Variants in CAMK4 observed in about 807,000 individuals in gnomAD.
The protein encoded by CAMK4 is calcium/calmodulin-dependent protein kinase type IV.
Under a neutral mutation model 44.9 loss-of-function variants are expected in CAMK4, and 22 were observed. The observed-to-expected ratio is 0.49, with a 90% confidence interval of 0.35 to 0.70. The LOEUF (loss-of-function observed/expected upper bound fraction) is 0.70, where lower values mean the gene tolerates loss of function less well. Among genes scored for constraint, CAMK4 ranks in the 30% least tolerant of loss-of-function variants. The pLI is 0.01. For missense variants in CAMK4, 498 were observed against 586.8 expected (o/e 0.85, Z 1.56); for synonymous variants, 218 against 215.4 (o/e 1.01, Z -0.11).
chr5:111,361,782 G>T (rs1358056418), intron 2 of CAMK4, among the ~76,000 whole-genome samples: 1 of 151,980 alleles, frequency 6.6e-6, no homozygotes, highest in Non-Finnish European at 1.5e-5. Context: ...ATAGGCATTA[G>T]TTTTCTTTTT....
At chr5:111,415,435 G>A (rs941406364) in intron 5 of CAMK4, among the ~76,000 whole-genome samples, 1 of 152,140 alleles carries the variant, frequency 6.6e-6, no homozygotes, top group Non-Finnish European at 1.5e-5. Context: ...GAATGCCAGC[G>A]AGAGCTGTGA....
chr5:111,274,212 G>A (rs988366543), intron 1 of CAMK4, among the ~76,000 whole-genome samples: 3 of 152,032 alleles, frequency 2.0e-5, no homozygotes, highest in Non-Finnish European at 2.9e-5. Context: ...CTCATCAGAA[G>A]TTCCTTGATG....
At chr5:111,408,225 G>A (rs1752507360) in intron 5 of CAMK4, among the ~76,000 whole-genome samples, 1 of 152,126 alleles carries the variant, frequency 6.6e-6, no homozygotes, top group Admixed American at 6.5e-5. Flanking sequence ...TCTAAGGATG[G>A]TGTATTAGTC....
intron 9 of CAMK4, among the ~76,000 whole-genome samples, chr5:111,479,222 T>C (rs984119184): frequency 2.0e-5 from 3 of 152,214 alleles, no homozygotes; most frequent in African/African-American, 7.2e-5. Context: ...TGAAATTTCA[T>C]CAAATTTATT....
chr5:111,404,167 G>A (rs1003415107), intron 5 of CAMK4, among the ~76,000 whole-genome samples: 3 of 152,142 alleles, frequency 2.0e-5, no homozygotes, highest in Non-Finnish European at 2.9e-5. Flanking sequence ...TATGAATATT[G>A]ATGAAGACAG....
chr5:111,450,986 A>G (rs1156961801), intron 7 of CAMK4, among the ~76,000 whole-genome samples: 1 of 152,120 alleles, frequency 6.6e-6, no homozygotes, highest in Non-Finnish European at 1.5e-5. Context: ...TACAAAACTA[A>G]CTCCTTTTAA....
intron 1 of CAMK4, among the ~76,000 whole-genome samples, chr5:111,260,883 T>G (rs1749944321): frequency 6.6e-6 from 1 of 152,206 alleles, no homozygotes; most frequent in Admixed American, 6.5e-5. Flanking sequence ...TCCTTAACAT[T>G]CATCCTCCTC....
intron 7 of CAMK4, among the ~76,000 whole-genome samples, chr5:111,453,843 C>G (rs902504121): frequency 6.6e-6 from 1 of 152,060 alleles, no homozygotes; most frequent in African/African-American, 2.4e-5. Context: ...TTAGGATTGC[C>G]TAGTTTGAAT....
chr5:111,293,742 C>CTTT lies in CAMK4; in HGVS notation c.162-50262_162-50260dup, dbSNP rs35117453. On this transcript the variant is annotated intron_variant, in intron 1 of 10. Coordinates refer to ENST00000282356, the MANE Select transcript of CAMK4 (RefSeq NM_001744.6). ...GCCATCACGCCTGGCTGCTGCTCTACTTTTTTTTTTTTTTTTTTTTTTGAG... is the reference window on the plus strand; with the variant it reads ...GCCATCACGCCTGGCTGCTGCTCTACTTTTTTTTTTTTTTTTTTTTTTTTTGAG... 3.2e-3 allele frequency among the ~76,000 whole-genome samples: 266 copies of CTTT among 83,498 alleles called. 3 individuals carry two copies. The highest frequency in any genetic ancestry group is 4.2e-3 in the African/African-American group (79 of 18,740). The allele number at this position is 83,498 out of a possible 152,430, so 54.8% of individuals were successfully genotyped here.
At chr5:111,249,661 T>C (rs1354991578) in intron 1 of CAMK4, among the ~76,000 whole-genome samples, 1 of 121,470 alleles carries the variant, frequency 8.2e-6, no homozygotes, top group Non-Finnish European at 1.9e-5. Context: ...TGTGTGTGTA[T>C]ATATATGTGT....
At chr5:111,429,755 G>A (rs1753364743) in intron 5 of CAMK4, among the ~76,000 whole-genome samples, 1 of 112,740 alleles carries the variant, frequency 8.9e-6, no homozygotes, top group South Asian at 3.1e-4. Flanking sequence ...TCCAGGCTGG[G>A]TGACAGAGTG....
chr5:111,425,162 TAAA>T (rs11351159), intron 5 of CAMK4, among the ~76,000 whole-genome samples: 37 of 128,238 alleles, frequency 2.9e-4, no homozygotes, highest in Admixed American at 3.2e-4. Flanking sequence ...GACGCTGTCT[TAAA>T]AAAAAAAAAA....
At chr5:111,233,875 G>A (rs2840047) in intron 1 of CAMK4, among the ~76,000 whole-genome samples, 3 of 152,026 alleles carry the variant, frequency 2.0e-5, no homozygotes, top group Non-Finnish European at 2.9e-5. Flanking sequence ...CTCATATTTC[G>A]ACTATAGCAG....
At chr5:111,303,986 A>G (rs1201518313) in intron 1 of CAMK4, among the ~76,000 whole-genome samples, 1 of 102,582 alleles carries the variant, frequency 9.7e-6, no homozygotes, top group African/African-American at 5.2e-5. Flanking sequence ...TTTCATATCC[A>G]GCCAAACTAA....
At chr5:111,443,140 T>C (rs2112963957) in intron 5 of CAMK4, among the ~76,000 whole-genome samples, 1 of 148,462 alleles carries the variant, frequency 6.7e-6, no homozygotes, top group Non-Finnish European at 1.5e-5. Flanking sequence ...AATGTAAAGG[T>C]TAGAAATTCT....
intron 1 of CAMK4, among the ~76,000 whole-genome samples, chr5:111,286,066 A>G (rs1392394698): frequency 1.3e-5 from 2 of 152,222 alleles, no homozygotes; most frequent in Non-Finnish European, 2.9e-5. Context: ...AGTGGAAGTC[A>G]TAGAGCAGGG....
intron 1 of CAMK4, among the ~76,000 whole-genome samples, chr5:111,262,289 T>C (rs1376457764): frequency 6.6e-6 from 1 of 150,740 alleles, no homozygotes; most frequent in African/African-American, 2.4e-5. Context: ...GGTGAGCTGG[T>C]GGAAAATTGC....
At chr5:111,255,552 A>G (rs563184973) in intron 1 of CAMK4, among the ~76,000 whole-genome samples, 3 of 152,208 alleles carry the variant, frequency 2.0e-5, no homozygotes, top group Non-Finnish European at 4.4e-5. Flanking sequence ...GCTTTAAAAA[A>G]GCCATGATCT....
intron 7 of CAMK4, among the ~76,000 whole-genome samples, chr5:111,467,764 C>T (rs898226060): frequency 6.6e-6 from 1 of 152,110 alleles, no homozygotes; most frequent in South Asian, 2.1e-4. Flanking sequence ...GGAATGTAAA[C>T]TAGTACAACC....
Sources: gnomAD v4.1 joint callset for allele counts (sites outside exome capture counted in the v4.1 genomes callset) on GRCh38, gnomAD v4.1.1 for gene constraint, MANE v1.5 for transcripts, NCBI Gene and HGNC (gene_info 2026-07-23, HGNC 2026-07-21) for gene names.